The following HPSE2 variants were observed in gnomAD, a reference collection of about 807,000 sequenced individuals.
The protein encoded by HPSE2 is inactive heparanase-2.
A neutral mutation model predicts 60.5 loss-of-function variants in HPSE2; 38 were observed. The ratio of observed to expected loss-of-function variants is 0.63; its 90% CI spans 0.48 to 0.82. The LOEUF (loss-of-function observed/expected upper bound fraction) is 0.82. Among genes scored for constraint, HPSE2 ranks in the 40% least tolerant of loss-of-function variants. HPSE2 has a pLI of 0.00. For missense variants in HPSE2, 713 were observed against 740.4 expected (o/e 0.96, Z 0.43); for synonymous variants, 295 against 293.2 (o/e 1.01, Z -0.06).
chr10:99,130,441 G>C (rs1845337325), intron 3 of HPSE2, among the ~76,000 whole-genome samples: 1 of 152,082 alleles, frequency 6.6e-6, no homozygotes, highest in South Asian at 2.1e-4. Flanking sequence ...TGATCAAGTG[G>C]GTTTCACACC....
intron 7 of HPSE2, among the ~76,000 whole-genome samples, chr10:98,626,765 A>G (rs1946225382): frequency 6.6e-6 from 1 of 151,102 alleles, no homozygotes; most frequent in African/African-American, 2.5e-5. Context: ...TTTGTATGAG[A>G]TATTATTTTT....
At chr10:99,236,892 A>T (rs1038513688), upstream of HPSE2, among the ~76,000 whole-genome samples, 1 of 151,886 alleles carries the variant, frequency 6.6e-6, no homozygotes, top group Non-Finnish European at 1.5e-5. Context: ...CCCCCTCCAG[A>T]CCCTCCTGGA....
intron 3 of HPSE2, among the ~76,000 whole-genome samples, chr10:98,979,155 G>A (rs748322022): frequency 1.8e-4 from 27 of 152,144 alleles, no homozygotes; most frequent in Non-Finnish European, 3.2e-4. Context: ...AAATATGTGT[G>A]TTAGGTAAAC....
At chr10:99,276,030 A>G in the HPSE2 span, among the ~76,000 whole-genome samples, 1 of 152,374 alleles carries the variant, frequency 6.6e-6, no homozygotes, top group South Asian at 2.1e-4. Context: ...TGGTTTTATT[A>G]GTAATATTTA....
the HPSE2 span, among the ~76,000 whole-genome samples, chr10:99,243,276 C>T: frequency 2.0e-5 from 3 of 152,052 alleles, no homozygotes; most frequent in Admixed American, 6.6e-5. Flanking sequence ...TTGCTTGAAC[C>T]CAGGAGGCGG....
chr10:98,847,660 A>G (rs1415327761), intron 3 of HPSE2, among the ~76,000 whole-genome samples: 2 of 152,250 alleles, frequency 1.3e-5, no homozygotes, highest in Admixed American at 6.5e-5. Context: ...GTGGTGATAC[A>G]TGCAGCAGTT....
chr10:98,594,196 T>C (rs967898404), intron 9 of HPSE2, among the ~76,000 whole-genome samples: 7 of 152,160 alleles, frequency 4.6e-5, no homozygotes, highest in African/African-American at 1.7e-4. Flanking sequence ...CAAGAATACA[T>C]TTTTATTAAC....
At chr10:99,068,596 C>T (rs1271507810) in intron 3 of HPSE2, among the ~76,000 whole-genome samples, 2 of 152,132 alleles carry the variant, frequency 1.3e-5, no homozygotes, top group Non-Finnish European at 2.9e-5. Context: ...AATTCAAGGT[C>T]AGATTTGTGT....
chr10:98,987,624 A>C (rs868642367), intron 3 of HPSE2, among the ~76,000 whole-genome samples: 1 of 152,028 alleles, frequency 6.6e-6, no homozygotes. Flanking sequence ...ATTCAACATA[A>C]TGTTGGAAGT....
intron 3 of HPSE2, among the ~76,000 whole-genome samples, chr10:99,092,294 T>C (rs1225236514): frequency 6.6e-6 from 1 of 152,132 alleles, no homozygotes; most frequent in African/African-American, 2.4e-5. Context: ...ACAATAAACA[T>C]AATGCGTACT....
intron 3 of HPSE2, among the ~76,000 whole-genome samples, chr10:98,912,940 T>C (rs1590065368): frequency 6.6e-6 from 1 of 152,186 alleles, no homozygotes; most frequent in Non-Finnish European, 1.5e-5. Flanking sequence ...TAAAATTAGA[T>C]TGTTTGAATC....
At chr10:99,266,302 T>C in the HPSE2 span, among the ~76,000 whole-genome samples, 1 of 152,118 alleles carries the variant, frequency 6.6e-6, no homozygotes, top group African/African-American at 2.4e-5. Flanking sequence ...TGGGTGCTGT[T>C]GTGGCGGCAT....
rs1294339182 is a variant in HPSE2 at position 98,939,864 on chromosome 10, G to A, written c.611-195808C>T. Among the ~76,000 whole-genome samples, 2 of 143,742 alleles carry A rather than the reference G, an allele frequency of 1.4e-5. 1 individual carries two copies. Among genetic ancestry groups the A allele is most frequent in the East Asian group, 3.9e-4 (2 of 5,090 alleles). 94.3% of individuals were successfully genotyped at this position (143,742 alleles called of 152,430 possible). On this transcript the variant is annotated intron_variant, in intron 3 of 11. Coordinates refer to ENST00000370552, the MANE Select transcript of HPSE2 (RefSeq NM_021828.5). ...TCTCCTCAGCAAATGTAAAAGAACA[G>A]AAATTATAACAAACTGTCTCTCAGA...
intron 3 of HPSE2, among the ~76,000 whole-genome samples, chr10:98,886,143 T>G (rs1953158145): frequency 6.6e-6 from 1 of 152,132 alleles, no homozygotes; most frequent in African/African-American, 2.4e-5. Context: ...ATATGAGGTC[T>G]TAGTTCACCT....
chr10:98,675,731 T>C (rs767059918), intron 6 of HPSE2, among the ~76,000 whole-genome samples: 4 of 151,888 alleles, frequency 2.6e-5, no homozygotes, highest in Non-Finnish European at 5.9e-5. Context: ...AAGACCCCTA[T>C]CTAAGAAAGA....
At chr10:98,995,343 C>G (rs557740185) in intron 3 of HPSE2, among the ~76,000 whole-genome samples, 88 of 152,192 alleles carry the variant, frequency 5.8e-4, no homozygotes, top group African/African-American at 2.1e-3. Flanking sequence ...TTGATGATGC[C>G]TATAAACAAT....
At chr10:98,874,383 A>G (rs1952816584) in intron 3 of HPSE2, among the ~76,000 whole-genome samples, 1 of 151,768 alleles carries the variant, frequency 6.6e-6, no homozygotes, top group Admixed American at 6.6e-5. Flanking sequence ...TTAATTGTGA[A>G]TGGGAGTTCA....
At chr10:98,667,039 G>GAA (rs55974722) in intron 6 of HPSE2, among the ~76,000 whole-genome samples, 1,578 of 150,408 alleles carry the variant, frequency 0.01, 20 homozygotes, top group African/African-American at 0.023. Context: ...ATTAACAAAG[G>GAA]AAAAAAAAAG....
At chr10:98,705,527 C>T (rs1286656844) in intron 5 of HPSE2, among the ~76,000 whole-genome samples, 1 of 152,092 alleles carries the variant, frequency 6.6e-6, no homozygotes, top group Non-Finnish European at 1.5e-5. Flanking sequence ...TAATGATAGA[C>T]TAAATAAAGA....
Sources: allele counts gnomAD v4.1 joint callset (sites outside exome capture counted in the v4.1 genomes callset), GRCh38; gene constraint gnomAD v4.1.1; transcripts MANE v1.5; gene names NCBI Gene and HGNC (gene_info 2026-07-23, HGNC 2026-07-21).